The following EPHA7 variants were observed in gnomAD, a reference collection of about 807,000 sequenced individuals.
EPHA7 encodes the protein ephrin type-A receptor 7.
Under a neutral mutation model 112.6 loss-of-function variants are expected in EPHA7, and 25 were observed. The ratio of observed to expected loss-of-function variants is 0.22; its 90% CI spans 0.16 to 0.31. The LOEUF is 0.31. Among genes scored for constraint, EPHA7 ranks in the 10% least tolerant of loss-of-function variants. The probability of loss-of-function intolerance (pLI) is 1.00; values close to 1 mark genes in which losing one functional copy is unlikely to be tolerated. For synonymous variants in EPHA7, 437 were observed against 406.5 expected (o/e 1.07, Z -0.90); for missense variants, 962 against 1,212.6 (o/e 0.79, Z 3.07).
chr6:93,319,264 G>T (rs1773952443), intron 5 of EPHA7, among the ~76,000 whole-genome samples: 1 of 151,992 alleles, frequency 6.6e-6, no homozygotes, highest in Non-Finnish European at 1.5e-5. Flanking sequence ...TATTAAGTAA[G>T]GTTGTTTGCA....
At chr6:93,418,156 CA>C (rs970303085) in intron 1 of EPHA7, among the ~76,000 whole-genome samples, 4 of 150,066 alleles carry the variant, frequency 2.7e-5, no homozygotes, top group African/African-American at 9.8e-5. Context: ...CCTGAAAGAC[CA>C]GGGGGGCGAC....
At chr6:93,322,391 C>A (rs1397474723) in intron 5 of EPHA7, among the ~76,000 whole-genome samples, 1 of 151,618 alleles carries the variant, frequency 6.6e-6, no homozygotes, top group Admixed American at 6.6e-5. Flanking sequence ...AAATCTACTG[C>A]AAGCAATTCC....
chr6:93,246,340 G>A (rs1016983437), intron 15 of EPHA7, among the ~76,000 whole-genome samples: 11 of 152,150 alleles, frequency 7.2e-5, no homozygotes, highest in South Asian at 4.1e-4. Flanking sequence ...GTGAGCCACC[G>A]CACCTAGCCT....
In EPHA7 at chr6:93,402,196, C is replaced by T. The variant is rs950104256; in HGVS notation, c.832+8305G>A. Among the ~76,000 whole-genome samples the T allele has an allele frequency of 1.3e-4, 19 of 151,972 alleles. 2 individuals carry two copies. Among genetic ancestry groups the T allele is most frequent in the Admixed American group, 1.2e-3 (19 of 15,256 alleles). On this transcript the variant is annotated intron_variant, in intron 3 of 16. Coordinates refer to ENST00000369303, the MANE Select transcript of EPHA7 (RefSeq NM_004440.4). ...TCCGTATTTCCTTATGTTCTCCCCC[C>T]TTTCATCAGTTCTTTCTATCCTTCT...
chr6:93,417,013 G>C (rs1438738141), intron 1 of EPHA7, among the ~76,000 whole-genome samples: 1 of 151,036 alleles, frequency 6.6e-6, no homozygotes, highest in African/African-American at 2.5e-5. Flanking sequence ...GAAGAGGAGA[G>C]TGGCTTTCGG....
intron 5 of EPHA7, among the ~76,000 whole-genome samples, chr6:93,336,600 A>C (rs1774886827): frequency 6.6e-6 from 1 of 151,914 alleles, no homozygotes; most frequent in Non-Finnish European, 1.5e-5. Context: ...ACGGGGTTTC[A>C]CTGTGTTAGC....
chr6:93,314,570 A>C (rs928596801), intron 5 of EPHA7, among the ~76,000 whole-genome samples: 1 of 152,194 alleles, frequency 6.6e-6, no homozygotes, highest in East Asian at 1.9e-4. Context: ...AGACCACCTT[A>C]CAGACAGGAC....
chr6:93,271,983 G>C (rs866749323), intron 6 of EPHA7, among the ~76,000 whole-genome samples: 4 of 151,742 alleles, frequency 2.6e-5, no homozygotes, highest in Admixed American at 6.6e-5. Context: ...AATGCATTGG[G>C]CTGTGTGGTT....
intron 5 of EPHA7, among the ~76,000 whole-genome samples, chr6:93,349,021 A>G (rs957784634): frequency 6.6e-6 from 1 of 151,800 alleles, no homozygotes; most frequent in Non-Finnish European, 1.5e-5. Context: ...TACATGATAA[A>G]TTCGGAATGT....
intron 3 of EPHA7, among the ~76,000 whole-genome samples, chr6:93,406,592 T>C (rs1035452360): frequency 6.6e-6 from 1 of 151,874 alleles, no homozygotes; most frequent in African/African-American, 2.4e-5. Flanking sequence ...TGAGCTTCAG[T>C]TTCTTCATAT....
At chr6:93,418,726 C>T (rs1242192323) in intron 1 of EPHA7, among the ~76,000 whole-genome samples, 1 of 152,196 alleles carries the variant, frequency 6.6e-6, no homozygotes, top group Non-Finnish European at 1.5e-5. Context: ...TCATTAGTAA[C>T]CCGAGCTTTC....
chr6:93,263,631 A>T (rs1770790973), intron 9 of EPHA7, among the ~76,000 whole-genome samples: 1 of 151,490 alleles, frequency 6.6e-6, no homozygotes, highest in African/African-American at 2.4e-5. Flanking sequence ...ATGTAAAAGC[A>T]GCTGAATATC....
intron 5 of EPHA7, among the ~76,000 whole-genome samples, chr6:93,288,832 T>C (rs953764202): frequency 3.3e-5 from 5 of 152,208 alleles, no homozygotes; most frequent in South Asian, 2.1e-4. Context: ...TGTGTTCTAG[T>C]GGAATTAGCA....
intron 10 of EPHA7, 54 bp downstream of exon 10, chr6:93,259,300 C>A: frequency 1.2e-6 from 2 of 1,602,324 alleles, no homozygotes; most frequent in Middle Eastern, 1.7e-4. Context: ...TGATGTATGA[C>A]TTTCGATCTT....
chr6:93,394,417 A>G (rs1778065042), intron 3 of EPHA7, among the ~76,000 whole-genome samples: 1 of 151,706 alleles, frequency 6.6e-6, no homozygotes, highest in Non-Finnish European at 1.5e-5. Flanking sequence ...TTTGAGCACC[A>G]TTTTACTTAG....
intron 3 of EPHA7, among the ~76,000 whole-genome samples, chr6:93,389,147 A>T (rs1562147924): frequency 6.6e-6 from 1 of 152,122 alleles, no homozygotes; most frequent in Non-Finnish European, 1.5e-5. Flanking sequence ...CCAAAATACA[A>T]ACCCAGAAAG....
At chr6:93,268,429 C>T (rs1001462879) in intron 7 of EPHA7, among the ~76,000 whole-genome samples, 3 of 151,646 alleles carry the variant, frequency 2.0e-5, no homozygotes, top group African/African-American at 7.3e-5. Context: ...TCCTTTAAAG[C>T]CAAAATAATT....
intron 5 of EPHA7, among the ~76,000 whole-genome samples, chr6:93,307,626 T>C (rs1345007384): frequency 6.6e-6 from 1 of 152,172 alleles, no homozygotes; most frequent in Non-Finnish European, 1.5e-5. Context: ...GGCTGACTAA[T>C]ACAGATTAAA....
chr6:93,246,403 A>T (rs552709072), intron 15 of EPHA7, among the ~76,000 whole-genome samples: 2 of 152,298 alleles, frequency 1.3e-5, no homozygotes, highest in African/African-American at 4.8e-5. Flanking sequence ...AATGACTTGA[A>T]GCAAAACAGT....
Sources: allele counts gnomAD v4.1 joint callset (sites outside exome capture counted in the v4.1 genomes callset), GRCh38; gene constraint gnomAD v4.1.1; transcripts MANE v1.5; gene names NCBI Gene and HGNC (gene_info 2026-07-23, HGNC 2026-07-21).